Variants in BRF1 observed in about 807,000 individuals in gnomAD.
BRF1 encodes the protein transcription factor IIIB 90 kDa subunit.
In BRF1, 59 loss-of-function variants were observed where a neutral mutation model predicts 81.7. The ratio of observed to expected loss-of-function variants is 0.72; its 90% CI spans 0.59 to 0.90. The LOEUF is 0.90. Among genes scored for constraint, BRF1 ranks in the 40% least tolerant of loss-of-function variants. BRF1 has a pLI of 0.00. For missense variants in BRF1, 1,050 were observed against 936.3 expected (o/e 1.12, Z -1.58); for synonymous variants, 491 against 395.6 (o/e 1.24, Z -2.86).
intron 8 of BRF1, 55 bp downstream of exon 8, chr14:105,226,579 G>A (rs1347608402): frequency 6.2e-7 from 1 of 1,607,304 alleles, no homozygotes. Flanking sequence ...GGGGTGTGTG[G>A]CTTCCCCCCA....
intron 2 of BRF1, among the ~76,000 whole-genome samples, chr14:105,280,426 T>C (rs1250965459): frequency 6.6e-6 from 1 of 152,238 alleles, no homozygotes; most frequent in Non-Finnish European, 1.5e-5. Flanking sequence ...GAAAGCACTC[T>C]GTATGAAACT....
At chr14:105,212,198 C>T (rs766255830) in intron 15 of BRF1, 34 bp from the exon 16 acceptor site, 25 of 1,602,114 alleles carry the variant, frequency 1.6e-5, no homozygotes, top group Admixed American at 1.4e-4. Context: ...CGGCCTCAGC[C>T]CAGGCTCCCG....
In BRF1 at chr14:105,209,286, T is replaced by G; in HGVS notation, c.*1265A>C. 2.1e-6 allele frequency: 1 copy of G among 477,042 alleles called. No individual in the cohort carries two copies. The highest frequency in any genetic ancestry group is 3.8e-6 in the Non-Finnish European group (1 of 262,718). 29.6% of individuals were successfully genotyped at this position (477,042 alleles called of 1,614,324 possible). A position where few individuals can be genotyped will look rare whatever the true frequency, so the allele number is the denominator to read the frequency against. ...ACAGAATCAGACAAGCCTCAGGCAA[T>G]TTCTGTTAAGTAACAACAGATCTTC... On this transcript the variant is annotated 3_prime_UTR_variant, in exon 18 of 18. Coordinates refer to ENST00000547530, the MANE Select transcript of BRF1 (RefSeq NM_001519.4).
intron 1 of BRF1, among the ~76,000 whole-genome samples, chr14:105,286,719 C>T (rs979016743): frequency 3.9e-5 from 6 of 152,214 alleles, no homozygotes; most frequent in Non-Finnish European, 8.8e-5. Context: ...CATTCTCCTG[C>T]CTCAGCCTTC....
At position 105,219,163 on chromosome 14, in the gene BRF1, G is replaced by A. The variant is rs775078603; in HGVS notation, c.1447C>T (p.Arg483Trp). Residue 483 changes from arginine to tryptophan, a missense_variant, in exon 13 of 18, where the codon CGG becomes TGG. Physicochemically the swap from Arg to Trp is moderately radical, Grantham distance 101 (BLOSUM62 -3). This residue lies in a region of BRF1 where 1,043 missense variants were observed against 915.4 expected (regional missense o/e 1.14). Transcript: ENST00000547530. ...LWMRENAEYL[R>W]EQREKEARIA... ...GGGTGGCGCTTACCCCTCTGTTCCC[G>A]CAGGTACTCGGCGTTCTCCCTCATC... 5.0e-6 allele frequency: 8 copies of A among 1,612,178 alleles called. No homozygotes were observed. Among genetic ancestry groups the A allele is most frequent in the African/African-American group, 1.3e-5 (1 of 74,906 alleles).
intron 10 of BRF1, among the ~76,000 whole-genome samples, chr14:105,223,707 T>A (rs1892659042): frequency 6.6e-6 from 1 of 152,142 alleles, no homozygotes; most frequent in Admixed American, 6.5e-5. Context: ...GTCTTCTTGG[T>A]TGTCACTATG....
intron 10 of BRF1, among the ~76,000 whole-genome samples, chr14:105,223,341 T>C (rs1272946649): frequency 9.3e-6 from 1 of 107,114 alleles, no homozygotes; most frequent in East Asian, 2.0e-4. Context: ...AAACGTGCAA[T>C]GTCCTCTAAC....
chr14:105,210,479 T>C lies in BRF1; in HGVS notation c.*72A>G. Reference sequence around the variant, plus strand: ...CGCTGGGGCCTGCCTGCTGCGGTCCTGGAAGCCCGTCTGATGCTGAGGAGA... The same window carrying C: ...CGCTGGGGCCTGCCTGCTGCGGTCCCGGAAGCCCGTCTGATGCTGAGGAGA... On this transcript the variant is annotated 3_prime_UTR_variant, in exon 18 of 18. Transcript: ENST00000547530. The surrounding 1 kb of genome is among the most constrained non-coding windows in gnomAD (Gnocchi z 4.7). The C allele has an allele frequency of 6.3e-7, 1 of 1,575,468 alleles. No individual in the cohort carries two copies. Among genetic ancestry groups the C allele is most frequent in the Non-Finnish European group, 8.6e-7 (1 of 1,160,640 alleles).
chr14:105,209,682 C>T lies in BRF1; in HGVS notation c.*869G>A, dbSNP rs775583755. Reference sequence around the variant, plus strand: ...GGCCTGATCCAGCTCTGACAGGGAGCGCCACTGCCCTCTGGCTCTGTCCAC... The same window carrying T: ...GGCCTGATCCAGCTCTGACAGGGAGTGCCACTGCCCTCTGGCTCTGTCCAC... On this transcript the variant is annotated 3_prime_UTR_variant, in exon 18 of 18. Coordinates refer to ENST00000547530, the MANE Select transcript of BRF1 (RefSeq NM_001519.4). 1.5e-5 allele frequency: 10 copies of T among 653,938 alleles called. No homozygotes were observed. The highest frequency in any genetic ancestry group is 6.1e-4 in the Middle Eastern group (2 of 3,262). The allele number at this position is 653,938 out of a possible 1,614,324, so 40.5% of individuals were successfully genotyped here.
chr14:105,304,219 C>T (rs777779363), upstream of BRF1, among the ~76,000 whole-genome samples: 12 of 152,142 alleles, frequency 7.9e-5, no homozygotes, highest in Non-Finnish European at 1.0e-4. Flanking sequence ...CAGCCAGGCT[C>T]GGTGGCTCAG....
At chr14:105,302,447 C>T (rs949803378), upstream of BRF1, among the ~76,000 whole-genome samples, 1 of 152,090 alleles carries the variant, frequency 6.6e-6, no homozygotes, top group African/African-American at 2.4e-5. Flanking sequence ...AGGTGATCCG[C>T]CCACTTCAGC....
intron 5 of BRF1, among the ~76,000 whole-genome samples, chr14:105,246,327 C>T (rs587635386): frequency 6.8e-4 from 103 of 152,184 alleles, no homozygotes; most frequent in African/African-American, 2.4e-3. Context: ...CAGGGACATG[C>T]AAATCAAAAC....
rs1322016947 is a variant in BRF1 at position 105,241,279 on chromosome 14, C to T, written c.680G>A (p.Gly227Asp). The T allele has an allele frequency of 3.7e-6, 6 of 1,611,776 alleles. No homozygotes were observed. The highest frequency in any genetic ancestry group is 5.1e-6 in the Non-Finnish European group (6 of 1,179,798). ...GCCCGCTGTACCTGCTCCGCAGAGGCCCGAGGGGCGCCGGCCTGTGTGCAT... is the reference window on the plus strand; with the variant it reads ...GCCCGCTGTACCTGCTCCGCAGAGGTCCGAGGGGCGCCGGCCTGTGTGCAT... ...DWMHTGRRPS[G>D]LCGAALLVAA... The change falls in exon 6 of 18, where the codon GGC (glycine) becomes GAC (aspartate). Residue 227 changes from glycine (G) to aspartate (D), a missense_variant. Transcript: ENST00000547530.
In BRF1 at chr14:105,212,262, G is replaced by C. The variant is rs769455295; in HGVS notation, c.1773-98C>G. 13 of 1,473,578 alleles carry C rather than the reference G, an allele frequency of 8.8e-6. No homozygotes were observed. The South Asian group carries it at 1.7e-4, about 19-fold the overall frequency. 91.3% of individuals were successfully genotyped at this position (1,473,578 alleles called of 1,614,324 possible). On this transcript the variant is annotated intron_variant, in intron 15 of 17. Transcript: ENST00000547530. ...CATCTTCCCTTTCCCAGTGTTAATT[G>C]ACTGTTTCTCTGTCCCTTTGGAAGC...
At chr14:105,228,207 C>G (rs1423774073) in intron 7 of BRF1, 1 of 152,332 alleles carries the variant, frequency 6.6e-6, no homozygotes, top group Non-Finnish European at 1.5e-5. Context: ...ACGTCAAAGA[C>G]AGCCTCATGC....
At chr14:105,258,765 C>CT (rs2056012883) in intron 3 of BRF1, among the ~76,000 whole-genome samples, 1 of 151,962 alleles carries the variant, frequency 6.6e-6, no homozygotes, top group Admixed American at 6.6e-5. Flanking sequence ...CACCACTGCA[C>CT]TCCAGCCTGG....
rs751231414 is a variant in BRF1 at position 105,217,668 on chromosome 14, C to G, written c.1648G>C (p.Gly550Arg). ...TCCTCCCTGTGCGGACTGCCCCCGC[C>G]GGCGCTGCTGAGGCCCCGGAGCACG... is the stretch of plus-strand genomic sequence containing the variant. Reference protein sequence around the residue: ...YSVLRGLSSAGGGSPHREDAQ... With the variant: ...YSVLRGLSSARGGSPHREDAQ... Residue 550 changes from glycine to arginine, a missense_variant, in exon 15 of 18, where the codon GGC becomes CGC. Coordinates refer to ENST00000547530, the MANE Select transcript of BRF1 (RefSeq NM_001519.4). 1.2e-6 allele frequency: 2 copies of G among 1,613,398 alleles called. No individual in the cohort carries two copies. The highest frequency in any genetic ancestry group is 2.7e-5 in the African/African-American group (2 of 75,070).
chr14:105,228,122 C>T (rs2054130769), intron 7 of BRF1: 1 of 152,230 alleles, frequency 6.6e-6, no homozygotes, highest in East Asian at 1.9e-4. Flanking sequence ...TCCGGCTTCT[C>T]ACTGGGACAG....
Position 105,309,946 on chromosome 14 carries a change from C to T in BRF1, c.-162+5376G>A, listed in dbSNP as rs773435173. ...GACTACAGGCGCCCGCCACCACACC[C>T]GACTAATTTTTGTATTTTTAGTAGA... On this transcript the variant is annotated intron_variant, in intron 1 of 17. Coordinates refer to the BRF1 transcript ENST00000327359. The surrounding 1 kb of genome is among the most constrained non-coding windows in gnomAD (Gnocchi z 4.0). 4.6e-5 allele frequency among the ~76,000 whole-genome samples: 7 copies of T among 151,626 alleles called. No homozygotes were observed. The highest frequency in any genetic ancestry group is 9.7e-5 in the African/African-American group (4 of 41,280).
Sources: allele counts gnomAD v4.1 joint callset (sites outside exome capture counted in the v4.1 genomes callset), GRCh38; gene constraint gnomAD v4.1.1; regional missense constraint gnomAD v4.1.1; non-coding constraint Gnocchi (gnomAD v3.1); transcripts MANE v1.5; gene names NCBI Gene and HGNC (gene_info 2026-07-23, HGNC 2026-07-21).